The following SCHIP1 variants were observed in gnomAD, a reference collection of about 807,000 sequenced individuals.
SCHIP1 encodes schwannomin-interacting protein 1.
SCHIP1 carries 8 observed loss-of-function variants against 29.7 expected under a neutral mutation model. The observed-to-expected ratio is 0.27, with a 90% CI of 0.16 to 0.49. The LOEUF (loss-of-function observed/expected upper bound fraction) is 0.49. Ranked by LOEUF, SCHIP1 falls within the 20% of genes least tolerant of loss-of-function variation. The pLI is 0.99. For missense variants in SCHIP1, 193 were observed against 294.6 expected (o/e 0.66, Z 2.52); for synonymous variants, 76 against 94.9 (o/e 0.80, Z 1.16).
the SCHIP1 span, among the ~76,000 whole-genome samples, chr3:159,596,021 C>G: frequency 6.6e-6 from 1 of 152,218 alleles, no homozygotes; most frequent in African/African-American, 2.4e-5. Flanking sequence ...AGGCAACCTA[C>G]AGAATGGGAG....
chr3:159,676,018 C>T, the SCHIP1 span, among the ~76,000 whole-genome samples: 1 of 152,136 alleles, frequency 6.6e-6, no homozygotes, highest in African/African-American at 2.4e-5. Flanking sequence ...GTAATCCCAG[C>T]TACTCAGGAG....
At chr3:159,760,901 A>G in the SCHIP1 span, among the ~76,000 whole-genome samples, 2 of 152,182 alleles carry the variant, frequency 1.3e-5, no homozygotes, top group East Asian at 3.8e-4. Context: ...TGAGAAGATT[A>G]GCAATTAAAC....
At chr3:159,831,577 A>T in the SCHIP1 span, among the ~76,000 whole-genome samples, 2 of 152,188 alleles carry the variant, frequency 1.3e-5, no homozygotes, top group Non-Finnish European at 2.9e-5. Context: ...TGCCAGCATC[A>T]TGGCTCTTGC....
At chr3:159,595,795 A>G in the SCHIP1 span, among the ~76,000 whole-genome samples, 1 of 152,166 alleles carries the variant, frequency 6.6e-6, no homozygotes, top group Non-Finnish European at 1.5e-5. Flanking sequence ...GTTGTTCACT[A>G]AACTGAACTC....
chr3:159,469,056 G>A, the SCHIP1 span, among the ~76,000 whole-genome samples: 1 of 151,948 alleles, frequency 6.6e-6, no homozygotes. Context: ...ATCAGCCACT[G>A]TGCCTGGCCA....
chr3:159,417,407 C>G, the SCHIP1 span, among the ~76,000 whole-genome samples: 2 of 152,190 alleles, frequency 1.3e-5, no homozygotes, highest in South Asian at 4.1e-4. Flanking sequence ...TAAAATTAAT[C>G]TTTATCCATG....
chr3:159,581,110 T>C, the SCHIP1 span, among the ~76,000 whole-genome samples: 2 of 152,128 alleles, frequency 1.3e-5, no homozygotes, highest in Non-Finnish European at 2.9e-5. Flanking sequence ...AATAATAAAA[T>C]TTGGGGAAGA....
At chr3:159,278,415 G>A in the SCHIP1 span, among the ~76,000 whole-genome samples, 17 of 152,168 alleles carry the variant, frequency 1.1e-4, no homozygotes, top group East Asian at 3.3e-3. Context: ...CAGAACTGGA[G>A]TTATAATTTA....
the SCHIP1 span, among the ~76,000 whole-genome samples, chr3:159,828,428 T>C: frequency 2.0e-3 from 169 of 85,872 alleles, 4 homozygotes; most frequent in African/African-American, 6.4e-3. Context: ...CGTATATATA[T>C]ACGTATATAT....
the SCHIP1 span, chr3:159,375,859 C>A: frequency 1.9e-6 from 1 of 532,338 alleles, no homozygotes; most frequent in Non-Finnish European, 2.4e-6. Context: ...AAGTCAGGCA[C>A]TAAGGAAAAC....
At chr3:159,562,180 G>A in the SCHIP1 span, among the ~76,000 whole-genome samples, 3 of 152,010 alleles carry the variant, frequency 2.0e-5, no homozygotes, top group South Asian at 2.1e-4. Context: ...TTCAGTTCAC[G>A]GACTAACCAC....
chr3:159,498,459 A>G, the SCHIP1 span, among the ~76,000 whole-genome samples: 1 of 152,206 alleles, frequency 6.6e-6, no homozygotes, highest in Non-Finnish European at 1.5e-5. Flanking sequence ...ATAAATGTCA[A>G]AGGAAAAGGA....
At chr3:159,624,643 T>C in the SCHIP1 span, among the ~76,000 whole-genome samples, 4 of 151,714 alleles carry the variant, frequency 2.6e-5, no homozygotes, top group African/African-American at 9.7e-5. Context: ...AGATTGGGGG[T>C]GGAAGGCAGA....
chr3:159,640,413 T>A, the SCHIP1 span, among the ~76,000 whole-genome samples: 5 of 152,140 alleles, frequency 3.3e-5, no homozygotes, highest in Non-Finnish European at 7.4e-5. Context: ...ATCCTCTTCA[T>A]TTGGTGACTT....
chr3:159,851,191 T>C (rs1219111503), intron 1 of SCHIP1, among the ~76,000 whole-genome samples: 1 of 152,084 alleles, frequency 6.6e-6, no homozygotes, highest in Non-Finnish European at 1.5e-5. Context: ...TTCAGAAAGC[T>C]GAGGTGGGAG....
At chr3:159,533,219 G>A in the SCHIP1 span, among the ~76,000 whole-genome samples, 1 of 152,270 alleles carries the variant, frequency 6.6e-6, no homozygotes, top group African/African-American at 2.4e-5. Flanking sequence ...TGAGACTTGG[G>A]GTGACAGTAG....
chr3:159,590,654 C>T, the SCHIP1 span, among the ~76,000 whole-genome samples: 1 of 151,980 alleles, frequency 6.6e-6, no homozygotes, highest in Non-Finnish European at 1.5e-5. Context: ...GTGTTAAATC[C>T]CTCTCCCTGT....
intron 2 of SCHIP1, among the ~76,000 whole-genome samples, chr3:159,883,079 G>C (rs901104954): frequency 2.0e-5 from 3 of 152,218 alleles, no homozygotes; most frequent in Non-Finnish European, 2.9e-5. Flanking sequence ...TGGTGTGTAA[G>C]GGAGAAGAGC....
the SCHIP1 span, among the ~76,000 whole-genome samples, chr3:159,460,003 TAGTC>T: frequency 6.6e-6 from 1 of 152,196 alleles, no homozygotes; most frequent in African/African-American, 2.4e-5. Flanking sequence ...ACTCAGTCTG[TAGTC>T]CTGTGTTATG....
Sources: allele counts gnomAD v4.1 joint callset (sites outside exome capture counted in the v4.1 genomes callset), GRCh38; gene constraint gnomAD v4.1.1; transcripts MANE v1.5; gene names NCBI Gene and HGNC (gene_info 2026-07-23, HGNC 2026-07-21).